Variants in WWOX observed in about 807,000 individuals in gnomAD.
WWOX encodes WW domain-containing oxidoreductase.
WWOX carries 69 observed loss-of-function variants against 46.2 expected under a neutral mutation model. The ratio of observed to expected loss-of-function variants is 1.49; its 90% confidence interval spans 1.23 to 1.82. The LOEUF (loss-of-function observed/expected upper bound fraction) is 1.82. Ranked by LOEUF, WWOX falls within the 40% of genes most tolerant of loss-of-function variation. The pLI, the probability that WWOX is intolerant of heterozygous loss-of-function variation, is 0.00. For missense variants in WWOX, 919 were observed against 542.6 expected (o/e 1.69, Z -6.89); for synonymous variants, 359 against 202.6 (o/e 1.77, Z -6.56).
chr16:78,424,814 A>T (rs1314377226), intron 6 of WWOX, 56 bp from the exon 7 acceptor site: 73 of 1,601,682 alleles, frequency 4.6e-5, no homozygotes, highest in Non-Finnish European at 6.2e-5. Context: ...AGGAGCATGG[A>T]TTATCCTTGG....
At chr16:79,079,556 C>G (rs1422816171) in intron 8 of WWOX, among the ~76,000 whole-genome samples, 1 of 152,146 alleles carries the variant, frequency 6.6e-6, no homozygotes, top group Non-Finnish European at 1.5e-5. Context: ...CCCCTAGTCA[C>G]CTGGTGCTTT....
At position 78,314,829 on chromosome 16, in the gene WWOX, G is replaced by C. The variant is rs542197202; in HGVS notation, c.517-72031G>C. On this transcript the variant is annotated intron_variant, in intron 5 of 8. Transcript: ENST00000566780. The stretch of plus-strand genomic sequence containing the variant: ...GGCCTCCCAAAGTGCTGGGATTACA[G>C]GCATGAGCCATCACGCCTGGTGAAT... Among the ~76,000 whole-genome samples, 14 of 150,712 alleles carry C rather than the reference G, an allele frequency of 9.3e-5. No homozygotes were observed. In the South Asian group the frequency reaches 3.0e-3, roughly 32 times the overall value.
intron 8 of WWOX, among the ~76,000 whole-genome samples, chr16:78,536,150 C>T (rs917462968): frequency 8.5e-5 from 13 of 152,252 alleles, no homozygotes; most frequent in African/African-American, 2.2e-4. Flanking sequence ...GTTTAAGATA[C>T]AGGCACCACA....
intron 8 of WWOX, among the ~76,000 whole-genome samples, chr16:79,092,510 C>G (rs751443697): frequency 6.6e-6 from 1 of 152,210 alleles, no homozygotes; most frequent in Non-Finnish European, 1.5e-5. Flanking sequence ...GAGCCCAGCT[C>G]TTTCCCCTGG....
chr16:78,894,554 T>A (rs2044659807), intron 8 of WWOX, among the ~76,000 whole-genome samples: 1 of 152,198 alleles, frequency 6.6e-6, no homozygotes, highest in Admixed American at 6.5e-5. Context: ...TCCAGCCTGA[T>A]TCTAATTTTC....
chr16:78,962,321 TTTTTTAAAA>T (rs1481787065), intron 8 of WWOX, among the ~76,000 whole-genome samples: 2 of 93,038 alleles, frequency 2.1e-5, no homozygotes, highest in African/African-American at 9.8e-5. Context: ...TTTTTTTTTT[TTTTTTAAAA>T]AAAAAAAAAA....
intron 8 of WWOX, among the ~76,000 whole-genome samples, chr16:79,177,539 C>G (rs1238584184): frequency 6.6e-6 from 1 of 152,102 alleles, no homozygotes; most frequent in Non-Finnish European, 1.5e-5. Flanking sequence ...TTCAATAATT[C>G]TCTTGTCTCT....
At chr16:79,209,049 T>G (rs1268521040) in intron 8 of WWOX, among the ~76,000 whole-genome samples, 1 of 151,984 alleles carries the variant, frequency 6.6e-6, no homozygotes, top group Admixed American at 6.5e-5. Flanking sequence ...TGTACTGTGT[T>G]CTACAAAGCC....
chr16:78,852,571 A>G (rs2052472996), intron 8 of WWOX, among the ~76,000 whole-genome samples: 2 of 152,200 alleles, frequency 1.3e-5, no homozygotes, highest in Non-Finnish European at 2.9e-5. Context: ...ATCTTGACTT[A>G]GGAGACACCC....
At chr16:79,043,413 C>A (rs914679053) in intron 8 of WWOX, among the ~76,000 whole-genome samples, 2 of 152,124 alleles carry the variant, frequency 1.3e-5, no homozygotes, top group South Asian at 4.1e-4. Context: ...TTAAGACCAA[C>A]ATTGAGGATG....
chr16:78,255,277 T>A (rs1488424741), intron 5 of WWOX, among the ~76,000 whole-genome samples: 1 of 152,224 alleles, frequency 6.6e-6, no homozygotes, highest in Non-Finnish European at 1.5e-5. Flanking sequence ...TCCTAGGTTT[T>A]CTTACTTCCA....
chr16:78,384,457 C>T (rs1002951481), intron 5 of WWOX, among the ~76,000 whole-genome samples: 1 of 152,082 alleles, frequency 6.6e-6, no homozygotes, highest in African/African-American at 2.4e-5. Context: ...AGATAAATAT[C>T]AGTTACTCAG....
At chr16:79,188,677 T>C (rs2051068068) in intron 8 of WWOX, among the ~76,000 whole-genome samples, 1 of 152,252 alleles carries the variant, frequency 6.6e-6, no homozygotes, top group Admixed American at 6.5e-5. Flanking sequence ...TGTGCTGGGT[T>C]GGGTCCTCCA....
intron 8 of WWOX, among the ~76,000 whole-genome samples, chr16:78,838,371 C>G (rs903877695): frequency 3.3e-5 from 5 of 152,134 alleles, no homozygotes; most frequent in African/African-American, 9.7e-5. Flanking sequence ...CATGTTGATT[C>G]TTAGAGAACT....
intron 8 of WWOX, among the ~76,000 whole-genome samples, chr16:78,502,552 T>C (rs1282758039): frequency 6.6e-6 from 1 of 152,268 alleles, no homozygotes; most frequent in African/African-American, 2.4e-5. Context: ...TACGCCATTG[T>C]ATGGATATAC....
intron 6 of WWOX, among the ~76,000 whole-genome samples, chr16:78,414,236 C>T (rs1157678793): frequency 6.6e-6 from 1 of 152,088 alleles, no homozygotes; most frequent in Admixed American, 6.6e-5. Flanking sequence ...TTTGCTGACC[C>T]CTTTTTCAAA....
At chr16:78,552,747 C>G (rs1347683050) in intron 8 of WWOX, 1 of 152,234 alleles carries the variant, frequency 6.6e-6, no homozygotes, top group Non-Finnish European at 1.5e-5. Flanking sequence ...ATTACTCATT[C>G]TTTATTCCTT....
At chr16:78,325,332 T>C (rs981143950) in intron 5 of WWOX, among the ~76,000 whole-genome samples, 1 of 152,230 alleles carries the variant, frequency 6.6e-6, no homozygotes, top group African/African-American at 2.4e-5. Context: ...GAAGCAATGT[T>C]TCATTATTCC....
chr16:78,565,701 A>G (rs576697377), intron 8 of WWOX, among the ~76,000 whole-genome samples: 1 of 152,144 alleles, frequency 6.6e-6, no homozygotes, highest in African/African-American at 2.4e-5. Flanking sequence ...TTATTACTCT[A>G]CCACAACCAC....
Sources: allele counts gnomAD v4.1 joint callset (sites outside exome capture counted in the v4.1 genomes callset), GRCh38; gene constraint gnomAD v4.1.1; transcripts MANE v1.5; gene names NCBI Gene and HGNC (gene_info 2026-07-23, HGNC 2026-07-21).